IPCEF1: variants seen among roughly 807,000 people sequenced by gnomAD.
The protein encoded by IPCEF1 is interaction protein for cytohesin exchange factors 1, also known as interactor protein for cytohesin exchange factors 1.
In IPCEF1, 31 loss-of-function variants were observed where a neutral mutation model predicts 50.9. The observed-to-expected ratio is 0.61, with a 90% CI of 0.46 to 0.82. The LOEUF (loss-of-function observed/expected upper bound fraction) is 0.82, where lower values mean the gene tolerates loss of function less well. IPCEF1 is among the 40% of genes least tolerant of loss of function. IPCEF1 has a pLI of 0.00. For synonymous variants in IPCEF1, 181 were observed against 192.0 expected (o/e 0.94, Z 0.47); for missense variants, 458 against 514.0 (o/e 0.89, Z 1.05).
At chr6:154,328,408 T>C (rs1783575559) in intron 1 of IPCEF1, among the ~76,000 whole-genome samples, 1 of 152,070 alleles carries the variant, frequency 6.6e-6, no homozygotes, top group Non-Finnish European at 1.5e-5. Flanking sequence ...ACCTTGGAGA[T>C]TTACAACACC....
chr6:154,324,579 G>A (rs1429408494), intron 1 of IPCEF1, among the ~76,000 whole-genome samples: 5 of 152,076 alleles, frequency 3.3e-5, no homozygotes, highest in South Asian at 4.2e-4. Flanking sequence ...AGGCCAAGGC[G>A]GGCAGATCAC....
chr6:154,162,913 C>T (rs1402091165), intron 11 of IPCEF1, among the ~76,000 whole-genome samples: 4 of 152,126 alleles, frequency 2.6e-5, no homozygotes, highest in Non-Finnish European at 4.4e-5. Flanking sequence ...ACATCCCCAC[C>T]CCACCAACTT....
At position 154,262,135 on chromosome 6, in the gene IPCEF1, C is replaced by T. The variant is rs147621212; in HGVS notation, c.36+3777G>A. ...TTCAGCAGTGCCGCCCAGACACTGA[C>T]GGCTGTGAGATAAAAATAACGGAAA... On this transcript the variant is annotated intron_variant, in intron 3 of 11. Coordinates refer to ENST00000367220, the MANE Select transcript of IPCEF1 (RefSeq NM_001130700.2). 1.1e-4 allele frequency among the ~76,000 whole-genome samples: 17 copies of T among 152,252 alleles called. No homozygotes were observed. In the East Asian group the frequency reaches 1.9e-3, roughly 17 times the overall value.
intron 11 of IPCEF1, among the ~76,000 whole-genome samples, chr6:154,163,666 C>T (rs1246000193): frequency 2.0e-5 from 3 of 152,078 alleles, no homozygotes; most frequent in African/African-American, 2.4e-5. Context: ...TCGTTGAATA[C>T]TTGTTGAAAA....
chr6:154,340,662 G>A (rs1487134509), intron 1 of IPCEF1, among the ~76,000 whole-genome samples: 1 of 151,946 alleles, frequency 6.6e-6, no homozygotes, highest in Non-Finnish European at 1.5e-5. Context: ...GAGGTGGGCG[G>A]ATTACCTGAG....
rs577544085 is a variant in IPCEF1 at position 154,166,291 on chromosome 6, T to C, written c.1104+1629A>G. 2.6e-5 allele frequency among the ~76,000 whole-genome samples: 4 copies of C among 152,332 alleles called. No homozygotes were observed. In the East Asian group the frequency reaches 7.7e-4, roughly 29 times the overall value. On this transcript the variant is annotated intron_variant, in intron 11 of 11. Coordinates refer to ENST00000367220, the MANE Select transcript of IPCEF1 (RefSeq NM_001130700.2). Reference sequence around the variant, plus strand: ...TCTTTTCACAAAGTTGGCCCCCCAGTGGCCAGGTGAGGGCATGGTGCCGTA... The same window carrying C: ...TCTTTTCACAAAGTTGGCCCCCCAGCGGCCAGGTGAGGGCATGGTGCCGTA...
intron 10 of IPCEF1, among the ~76,000 whole-genome samples, chr6:154,185,771 G>T (rs1268640678): frequency 2.0e-5 from 3 of 152,088 alleles, no homozygotes; most frequent in Non-Finnish European, 4.4e-5. Context: ...TGAAACAAAA[G>T]CTAAAAAGAA....
At chr6:154,274,915 T>G (rs1387883695) in intron 2 of IPCEF1, among the ~76,000 whole-genome samples, 1 of 152,226 alleles carries the variant, frequency 6.6e-6, no homozygotes, top group African/African-American at 2.4e-5. Flanking sequence ...TGCGGTTGTC[T>G]TAAGTTCCAT....
chr6:154,255,987 C>T (rs181111018), intron 3 of IPCEF1, among the ~76,000 whole-genome samples: 18 of 152,222 alleles, frequency 1.2e-4, no homozygotes, highest in Admixed American at 9.8e-4. Flanking sequence ...TAAAATGAAG[C>T]TATCTTCTAA....
chr6:154,182,367 T>A (rs1488721877), intron 10 of IPCEF1, among the ~76,000 whole-genome samples: 1 of 152,208 alleles, frequency 6.6e-6, no homozygotes, highest in Non-Finnish European at 1.5e-5. Context: ...TCTTTAATGG[T>A]TGTTTTGCTG....
In IPCEF1 at chr6:154,273,724, C is replaced by CTTTTTTT. The variant is rs71021036; in HGVS notation, c.-17-7767_-17-7761dup. On this transcript the variant is annotated intron_variant, in intron 2 of 11. Transcript: ENST00000367220. Reference sequence around the variant, plus strand: ...TCTTTTTTTCTTTCTTTCTTTCTTTCTTTTTTTTTTTTTTTTTTTTTTTTT... The same window carrying CTTTTTTT: ...TCTTTTTTTCTTTCTTTCTTTCTTTCTTTTTTTTTTTTTTTTTTTTTTTTTTTTTTTT... Among the ~76,000 whole-genome samples, 11 of 63,324 alleles carry CTTTTTTT rather than the reference C, an allele frequency of 1.7e-4. 1 individual carries two copies. The highest frequency in any genetic ancestry group is 2.9e-4 in the Non-Finnish European group (9 of 31,570). The allele number at this position is 63,324 out of a possible 152,430, so 41.5% of individuals were successfully genotyped here. A position where few individuals can be genotyped will look rare whatever the true frequency, so the allele number is the denominator to read the frequency against.
chr6:154,325,208 T>C (rs1783490027), intron 1 of IPCEF1, among the ~76,000 whole-genome samples: 1 of 152,192 alleles, frequency 6.6e-6, no homozygotes, highest in Non-Finnish European at 1.5e-5. Flanking sequence ...AAGATGGCTA[T>C]TAAGTGAAAA....
intron 1 of IPCEF1, among the ~76,000 whole-genome samples, chr6:154,353,605 A>G (rs987763196): frequency 7.2e-5 from 11 of 151,984 alleles, no homozygotes; most frequent in Non-Finnish European, 1.3e-4. Context: ...ACTTTCTTTC[A>G]ACGTTTGTTT....
rs531523032 is a variant in IPCEF1 at position 154,343,533 on chromosome 6, C to T, written c.-62+13139G>A. 1.6e-4 allele frequency among the ~76,000 whole-genome samples: 25 copies of T among 152,266 alleles called. No homozygotes were observed. The South Asian group carries it at 5.0e-3, about 30-fold the overall frequency. On this transcript the variant is annotated intron_variant, in intron 1 of 11. Coordinates refer to ENST00000367220, the MANE Select transcript of IPCEF1 (RefSeq NM_001130700.2). ...GGGAAAGCTTTTCCTCCCCAAGTCG[C>T]CTCACTTCCCACCATTTCTCCATGT...
At chr6:154,296,645 C>T (rs1040809408) in intron 1 of IPCEF1, among the ~76,000 whole-genome samples, 20 of 152,106 alleles carry the variant, frequency 1.3e-4, no homozygotes, top group African/African-American at 4.3e-4. Context: ...CTGGCTAACA[C>T]AGTGAAACCC....
chr6:154,198,248 CCA>C (rs1776781835), intron 10 of IPCEF1, among the ~76,000 whole-genome samples: 1 of 152,150 alleles, frequency 6.6e-6, no homozygotes, highest in Non-Finnish European at 1.5e-5. Flanking sequence ...TTCTGTGCTT[CCA>C]AGGAGATACA....
chr6:154,237,037 C>A (rs918672675), intron 5 of IPCEF1, among the ~76,000 whole-genome samples: 1 of 152,132 alleles, frequency 6.6e-6, no homozygotes, highest in Non-Finnish European at 1.5e-5. Flanking sequence ...GAAACATGCT[C>A]TATGGAAGAT....
At position 154,351,671 on chromosome 6, in the gene IPCEF1, G is replaced by A. The variant is rs531177436; in HGVS notation, c.-62+5001C>T. Among the ~76,000 whole-genome samples, 23 of 152,290 alleles carry A rather than the reference G, an allele frequency of 1.5e-4. No homozygotes were observed. The East Asian group carries it at 4.2e-3, about 28-fold the overall frequency. On this transcript the variant is annotated intron_variant, in intron 1 of 11. Transcript: ENST00000367220. ...CACAGGCTCAGAGACACAAAGGTCT[G>A]GGTTTGAATCCCTCTCCCCTGCCTA... is the stretch of plus-strand genomic sequence containing the variant.
chr6:154,352,201 G>A (rs1265155125), intron 1 of IPCEF1, among the ~76,000 whole-genome samples: 1 of 152,104 alleles, frequency 6.6e-6, no homozygotes, highest in Non-Finnish European at 1.5e-5. Flanking sequence ...AAACTAAAAG[G>A]TAAAAATAAA....
Sources: allele counts gnomAD v4.1 joint callset (sites outside exome capture counted in the v4.1 genomes callset), GRCh38; gene constraint gnomAD v4.1.1; transcripts MANE v1.5; gene names NCBI Gene and HGNC (gene_info 2026-07-23, HGNC 2026-07-21).